Variants in TOMM7 observed in about 807,000 individuals in gnomAD.
The protein encoded by TOMM7 is mitochondrial import receptor subunit TOM7 homolog.
Under a neutral mutation model 9.5 loss-of-function variants are expected in TOMM7, and 8 were observed. That is an observed-to-expected ratio of 0.84 (90% CI 0.49 to 1.51). The LOEUF is 1.51. Ranked by LOEUF, TOMM7 falls within the 40% of genes most tolerant of loss-of-function variation. TOMM7 has a pLI of 0.00. For synonymous variants in TOMM7, 27 were observed against 21.4 expected (o/e 1.26, Z -0.72); for missense variants, 74 against 63.7 (o/e 1.16, Z -0.55).
chr7:22,817,166 G>C (rs2286501), intron 2 of TOMM7, among the ~76,000 whole-genome samples: 73,180 of 151,964 alleles, frequency 0.48, 19,446 homozygotes, highest in East Asian at 0.82. Context: ...AAACCTGCCT[G>C]TTTGAGATTA....
chr7:22,813,184 G>A lies in TOMM7; in HGVS notation c.154C>T (p.Leu52=), dbSNP rs1018244482. 4 of 1,612,078 alleles carry A rather than the reference G, an allele frequency of 2.5e-6. No homozygotes were observed. The highest frequency in any genetic ancestry group is 3.4e-6 in the Non-Finnish European group (4 of 1,179,174). ...PGMPEPTVLS[L]LWG is the part of the protein sequence containing the mutation. ...CAAATAATCCTTTATCCCCAAAGTA[G>A]GCTAAAATGTTTGTGAAGAGAAGAA... Residue 52 remains leucine (L), a splice_region_variant and synonymous_variant, in exon 3 of 3, where the codon CTA becomes TTA. Coordinates refer to ENST00000358435, the MANE Select transcript of TOMM7 (RefSeq NM_019059.5).
chr7:22,818,163 T>C, intron 1 of TOMM7, 115 bp from the exon 2 acceptor site: 3 of 926,086 alleles, frequency 3.2e-6, no homozygotes, highest in Non-Finnish European at 3.4e-6. Context: ...TAGAATGATA[T>C]CTAGACCAAC....
At chr7:22,817,844 G>T in intron 2 of TOMM7, 156 bp downstream of exon 2, 1 of 608,996 alleles carries the variant, frequency 1.6e-6, no homozygotes, top group South Asian at 2.2e-5. Flanking sequence ...ATTAGGAGGG[G>T]GAAGAGAAAG....
intron 1 of TOMM7, among the ~76,000 whole-genome samples, chr7:22,820,611 A>C (rs1782373911): frequency 6.6e-6 from 1 of 152,184 alleles, no homozygotes; most frequent in Non-Finnish European, 1.5e-5. Flanking sequence ...GGAAGAATCA[A>C]GCTTCCACAC....
chr7:22,821,446 G>C (rs1046661388), intron 1 of TOMM7, among the ~76,000 whole-genome samples: 5 of 148,128 alleles, frequency 3.4e-5, no homozygotes, highest in Admixed American at 6.8e-5. Flanking sequence ...ACTACAGCCT[G>C]GCCGCGGTGA....
chr7:22,813,080 G>A lies in TOMM7; in HGVS notation c.*90C>T. The stretch of plus-strand genomic sequence containing the variant: ...GCCTTGTGCCATCCAACTAGTGACT[G>A]AATGATGTCCCATCTCTTATCCGAG... On this transcript the variant is annotated 3_prime_UTR_variant, in exon 3 of 3. Transcript: ENST00000358435. 7.2e-7 allele frequency: 1 copy of A among 1,379,744 alleles called. No homozygotes were observed. Among genetic ancestry groups the A allele is most frequent in the South Asian group, 1.2e-5 (1 of 85,720 alleles). The allele number at this position is 1,379,744 out of a possible 1,614,324, so 85.5% of individuals were successfully genotyped here.
At chr7:22,821,928 A>AG (rs1782397639) in intron 1 of TOMM7, among the ~76,000 whole-genome samples, 1 of 152,110 alleles carries the variant, frequency 6.6e-6, no homozygotes, top group Non-Finnish European at 1.5e-5. Flanking sequence ...AGAGCACAGG[A>AG]GGGGAAGGTT....
Position 22,822,848 on chromosome 7 carries a change from G to A in TOMM7, c.-69C>T, listed in dbSNP as rs2270105. ...CAGCGTCGGGAATCCGAAAGGGAAA[G>A]GAGGTGCGCAGGCGCCACACACGGC... On this transcript the variant is annotated 5_prime_UTR_variant, in exon 1 of 3. Coordinates refer to ENST00000358435, the MANE Select transcript of TOMM7 (RefSeq NM_019059.5). 478,660 of 1,329,698 alleles carry A rather than the reference G, an allele frequency of 0.36. 93,344 individuals are homozygous for A. The highest frequency in any genetic ancestry group is 0.68 in the African/African-American group (46,834 of 69,290). 82.4% of individuals were successfully genotyped at this position (1,329,698 alleles called of 1,614,324 possible).
At chr7:22,814,220 C>T (rs1782287914) in intron 2 of TOMM7, among the ~76,000 whole-genome samples, 1 of 150,714 alleles carries the variant, frequency 6.6e-6, no homozygotes, top group Non-Finnish European at 1.5e-5. Context: ...CTTGGTGGTG[C>T]ATGCCTGTAA....
intron 2 of TOMM7, 154 bp downstream of exon 2, chr7:22,817,846 A>C: frequency 1.6e-6 from 1 of 609,308 alleles, no homozygotes; most frequent in Non-Finnish European, 2.9e-6. Flanking sequence ...TAGGAGGGGG[A>C]AGAGAAAGTA....
intron 1 of TOMM7, among the ~76,000 whole-genome samples, chr7:22,821,558 G>A (rs895105217): frequency 6.6e-5 from 10 of 152,116 alleles, no homozygotes; most frequent in Admixed American, 4.6e-4. Flanking sequence ...GGCCAGCCTG[G>A]CCCACATAAG....
intron 1 of TOMM7, chr7:22,822,291 C>T: frequency 6.5e-7 from 1 of 1,547,056 alleles, no homozygotes; most frequent in Non-Finnish European, 8.7e-7. Flanking sequence ...ATTCCCTGAA[C>T]AGGACTCTTT....
intron 1 of TOMM7, chr7:22,822,138 A>T: frequency 6.5e-7 from 1 of 1,549,904 alleles, no homozygotes; most frequent in Non-Finnish European, 8.7e-7. Context: ...AAGTTTCTCT[A>T]CGGCTGTTTC....
intron 2 of TOMM7, among the ~76,000 whole-genome samples, chr7:22,815,978 A>C (rs79813734): frequency 1.3e-5 from 2 of 152,216 alleles, no homozygotes; most frequent in Admixed American, 1.3e-4. Flanking sequence ...AAAGCATTCC[A>C]GGCTGAGGGA....
At chr7:22,818,202 A>T in intron 1 of TOMM7, 154 bp from the exon 2 acceptor site, 1 of 628,088 alleles carries the variant, frequency 1.6e-6, no homozygotes. Flanking sequence ...CCTACGCTAC[A>T]GAAGTCTCCA....
At chr7:22,822,194 C>A in intron 1 of TOMM7, 1 of 1,550,892 alleles carries the variant, frequency 6.4e-7, no homozygotes, top group Non-Finnish European at 8.7e-7. Flanking sequence ...CCAAACCCTT[C>A]ATCGTACAGG....
intron 1 of TOMM7, among the ~76,000 whole-genome samples, chr7:22,821,758 G>C (rs1266706302): frequency 6.6e-6 from 1 of 151,132 alleles, no homozygotes; most frequent in African/African-American, 2.4e-5. Context: ...AAGGAAAAAA[G>C]GAAAAAAAAA....
intron 2 of TOMM7, among the ~76,000 whole-genome samples, chr7:22,814,557 A>G (rs896701640): frequency 6.6e-6 from 1 of 152,158 alleles, no homozygotes; most frequent in African/African-American, 2.4e-5. Context: ...GGTAATGGGC[A>G]GCAAAAATAT....
intron 2 of TOMM7, among the ~76,000 whole-genome samples, chr7:22,815,319 C>G (rs1010640512): frequency 4.6e-5 from 7 of 151,906 alleles, no homozygotes; most frequent in African/African-American, 1.7e-4. Flanking sequence ...TCACCCAGGG[C>G]ACAAAAAAGT....
Sources: allele counts gnomAD v4.1 joint callset (sites outside exome capture counted in the v4.1 genomes callset), GRCh38; gene constraint gnomAD v4.1.1; transcripts MANE v1.5; gene names NCBI Gene and HGNC (gene_info 2026-07-23, HGNC 2026-07-21).